DACH1: variants seen among roughly 807,000 people sequenced by gnomAD.
The protein encoded by DACH1 is dachshund homolog 1.
In DACH1, 12 loss-of-function variants were observed where a neutral mutation model predicts 54.2. That is an observed-to-expected ratio of 0.22 (90% confidence interval 0.14 to 0.36). The LOEUF (loss-of-function observed/expected upper bound fraction) is 0.36, where lower values mean the gene tolerates loss of function less well. DACH1 is among the 10% of genes least tolerant of loss of function. DACH1 has a pLI of 1.00. For synonymous variants in DACH1, 386 were observed against 366.2 expected (o/e 1.05, Z -0.62); for missense variants, 805 against 929.8 (o/e 0.87, Z 1.75).
At chr13:71,636,438 G>A (rs1342856903) in intron 2 of DACH1, among the ~76,000 whole-genome samples, 4 of 151,902 alleles carry the variant, frequency 2.6e-5, no homozygotes. Context: ...GTGAGCACAA[G>A]TTAAACTACT....
chr13:71,530,350 G>A (rs367902157), intron 6 of DACH1, among the ~76,000 whole-genome samples: 38 of 152,130 alleles, frequency 2.5e-4, no homozygotes, highest in Admixed American at 6.5e-4. Context: ...CTGTTCTACA[G>A]TTTACTAACT....
intron 1 of DACH1, among the ~76,000 whole-genome samples, chr13:71,809,991 T>G (rs567550744): frequency 6.6e-6 from 1 of 152,178 alleles, no homozygotes; most frequent in Non-Finnish European, 1.5e-5. Flanking sequence ...CAATGCTGTG[T>G]GTGTGTATGC....
At chr13:71,586,403 T>C (rs906110799) in intron 3 of DACH1, among the ~76,000 whole-genome samples, 1 of 152,188 alleles carries the variant, frequency 6.6e-6, no homozygotes, top group Non-Finnish European at 1.5e-5. Context: ...GGGAATATGC[T>C]TTAATATTGC....
At chr13:71,708,997 C>T (rs1321625702) in intron 1 of DACH1, among the ~76,000 whole-genome samples, 2 of 151,632 alleles carry the variant, frequency 1.3e-5, no homozygotes, top group Admixed American at 6.6e-5. Flanking sequence ...GGACTACAGG[C>T]GCCCGCCACC....
chr13:71,846,008 A>AT (rs76850370), intron 1 of DACH1: 152 of 167,986 alleles, frequency 9.0e-4, no homozygotes, highest in East Asian at 5.1e-3. Flanking sequence ...GTCGAAGGCC[A>AT]TTTTTTTTTG....
At chr13:71,520,355 A>G (rs1881507573) in intron 6 of DACH1, among the ~76,000 whole-genome samples, 1 of 151,788 alleles carries the variant, frequency 6.6e-6, no homozygotes, top group Admixed American at 6.6e-5. Flanking sequence ...GTAAAATGCT[A>G]TTGCAATTAT....
intron 1 of DACH1, among the ~76,000 whole-genome samples, chr13:71,849,064 T>C (rs1274746321): frequency 6.6e-6 from 1 of 152,224 alleles, no homozygotes; most frequent in Non-Finnish European, 1.5e-5. Flanking sequence ...GATATTGTGA[T>C]AATAAAATAC....
intron 1 of DACH1, among the ~76,000 whole-genome samples, chr13:71,745,781 T>C (rs1884576779): frequency 6.6e-6 from 1 of 152,170 alleles, no homozygotes; most frequent in East Asian, 1.9e-4. Context: ...GTGTACTCAA[T>C]CCCAATAAAA....
intron 1 of DACH1, among the ~76,000 whole-genome samples, chr13:71,788,844 C>A (rs994747702): frequency 6.6e-6 from 1 of 152,052 alleles, no homozygotes; most frequent in Non-Finnish European, 1.5e-5. Context: ...CTCTTATAAA[C>A]CTCCATTCTG....
rs749616740 is a variant in DACH1, at chr13:71,866,280, A to AGCTGCT, written c.484_489dup (p.Ser162_Ser163dup). The AGCTGCT allele has an allele frequency of 3.2e-6, 5 of 1,583,724 alleles. No individual in the cohort carries two copies. The Admixed American group carries it at 9.1e-5, about 29-fold the overall frequency. On this transcript the variant is annotated inframe_insertion, in exon 1 of 11. Coordinates refer to ENST00000613252, the MANE Select transcript of DACH1 (RefSeq NM_080759.6). ...ACGGGTTTCCCGGGGAGGGGGCCGC[A>AGCTGCT]GCTGCTGCTGCTACTGCTGCTGCTG... is the stretch of plus-strand genomic sequence containing the variant.
intron 1 of DACH1, among the ~76,000 whole-genome samples, chr13:71,694,664 T>G (rs1297690295): frequency 6.6e-6 from 1 of 152,228 alleles, no homozygotes; most frequent in Non-Finnish European, 1.5e-5. Context: ...GACACTGTTT[T>G]ACCATGGAAT....
intron 1 of DACH1, among the ~76,000 whole-genome samples, chr13:71,706,206 T>C (rs1447284961): frequency 2.0e-5 from 3 of 151,852 alleles, no homozygotes; most frequent in Admixed American, 2.0e-4. Context: ...CTTCCTTGAT[T>C]TTCTATAAAG....
chr13:71,600,874 A>T (rs1323655495), intron 3 of DACH1, among the ~76,000 whole-genome samples: 1 of 152,054 alleles, frequency 6.6e-6, no homozygotes, highest in Non-Finnish European at 1.5e-5. Context: ...TGAAACAAAT[A>T]AAAAATTCAA....
chr13:71,574,444 G>T (rs1038532574), intron 3 of DACH1, among the ~76,000 whole-genome samples: 2 of 151,902 alleles, frequency 1.3e-5, no homozygotes, highest in Non-Finnish European at 2.9e-5. Flanking sequence ...CATATAATAT[G>T]CATAGAAACA....
chr13:71,808,876 G>C (rs1367817215), intron 1 of DACH1, among the ~76,000 whole-genome samples: 1 of 152,102 alleles, frequency 6.6e-6, no homozygotes, highest in African/African-American at 2.4e-5. Context: ...CTAGTAAAAA[G>C]GGTACATTTT....
intron 1 of DACH1, among the ~76,000 whole-genome samples, chr13:71,688,280 GC>G (rs1251541934): frequency 6.6e-6 from 1 of 152,190 alleles, no homozygotes; most frequent in Admixed American, 6.5e-5. Context: ...GCCAAAAGAA[GC>G]GGCTGATTTG....
intron 6 of DACH1, among the ~76,000 whole-genome samples, chr13:71,499,939 AG>A (rs1215667054): frequency 2.0e-5 from 3 of 152,176 alleles, no homozygotes; most frequent in African/African-American, 7.2e-5. Flanking sequence ...GTAGATGCAT[AG>A]TGCACCCATA....
chr13:71,446,062 G>A lies in DACH1; in HGVS notation c.2084-5370C>T, dbSNP rs367684784. ...TGGAGAAGACTTTGCAAAAATGAGC[G>A]GCAAAAGAGAGATTATTGGAATCCC... On this transcript the variant is annotated intron_variant, in intron 10 of 10. Coordinates refer to ENST00000613252, the MANE Select transcript of DACH1 (RefSeq NM_080759.6). Among the ~76,000 whole-genome samples, 7 of 152,220 alleles carry A rather than the reference G, an allele frequency of 4.6e-5. No homozygotes were observed. In the East Asian group the frequency reaches 5.8e-4, roughly 13 times the overall value.
chr13:71,574,173 C>T (rs1885395420), intron 3 of DACH1, among the ~76,000 whole-genome samples: 1 of 152,080 alleles, frequency 6.6e-6, no homozygotes, highest in Admixed American at 6.5e-5. Flanking sequence ...GTCAATGCCA[C>T]TCAACTGAGG....
Sources: gnomAD v4.1 joint callset for allele counts (sites outside exome capture counted in the v4.1 genomes callset) on GRCh38, gnomAD v4.1.1 for gene constraint, MANE v1.5 for transcripts, NCBI Gene and HGNC (gene_info 2026-07-23, HGNC 2026-07-21) for gene names.